Variants in HECW1 observed in about 807,000 individuals in gnomAD.
The protein encoded by HECW1 is HECT, C2 and WW domain containing E3 ubiquitin protein ligase 1.
Under a neutral mutation model 182.3 loss-of-function variants are expected in HECW1, and 61 were observed. The observed-to-expected ratio is 0.33, with a 90% CI of 0.27 to 0.41. The LOEUF (loss-of-function observed/expected upper bound fraction) is 0.41, where lower values mean the gene tolerates loss of function less well. Among genes scored for constraint, HECW1 ranks in the 10% least tolerant of loss-of-function variants. The pLI is 1.00. For missense variants in HECW1, 1,739 were observed against 2,108.9 expected (o/e 0.82, Z 3.44); for synonymous variants, 859 against 832.6 (o/e 1.03, Z -0.55).
chr7:43,482,084 T>C (rs1172624050), intron 17 of HECW1, among the ~76,000 whole-genome samples: 2 of 151,980 alleles, frequency 1.3e-5, no homozygotes, highest in Admixed American at 6.5e-5. Flanking sequence ...ACCCTGACTG[T>C]TCGTCACATT....
At chr7:43,204,080 T>C (rs914513296) in intron 2 of HECW1, among the ~76,000 whole-genome samples, 1 of 152,236 alleles carries the variant, frequency 6.6e-6, no homozygotes, top group Non-Finnish European at 1.5e-5. Context: ...TCAATAATTC[T>C]TGAGGTTCTT....
Position 43,561,837 on chromosome 7 carries a change from C to A in HECW1, c.4732C>A (p.Leu1578Met). The change falls in exon 30 of 30, where the codon CTG becomes ATG. Residue 1578 changes from leucine (L) to methionine (M), a missense_variant. Coordinates refer to ENST00000395891, the MANE Select transcript of HECW1 (RefSeq NM_015052.5). ...CAGGGCACACACATGCTTCAACCGACTGGATCTTCCACCGTATCCCTCGTA... is the reference window on the plus strand; with the variant it reads ...CAGGGCACACACATGCTTCAACCGAATGGATCTTCCACCGTATCCCTCGTA... ...LPRAHTCFNR[L>M]DLPPYPSYSM... The A allele has an allele frequency of 6.2e-7, 1 of 1,613,746 alleles. No individual in the cohort carries two copies.
chr7:43,273,830 A>G (rs1802732443), intron 3 of HECW1, among the ~76,000 whole-genome samples: 1 of 152,068 alleles, frequency 6.6e-6, no homozygotes, highest in South Asian at 2.1e-4. Context: ...TTCCCTTAAT[A>G]TATGACAGAA....
chr7:43,408,667 C>T (rs2152845869), intron 8 of HECW1, among the ~76,000 whole-genome samples: 1 of 152,118 alleles, frequency 6.6e-6, no homozygotes, highest in Non-Finnish European at 1.5e-5. Context: ...ACCTGGGTGA[C>T]AGAGCGAGAC....
intron 7 of HECW1, among the ~76,000 whole-genome samples, chr7:43,404,402 A>C (rs1398469669): frequency 6.6e-6 from 1 of 152,182 alleles, no homozygotes; most frequent in Non-Finnish European, 1.5e-5. Flanking sequence ...ATCAAAATCC[A>C]AGTGTTTTGA....
Position 43,442,580 on chromosome 7 carries a change from G to T in HECW1, c.996G>T (p.Val332=). 6.2e-7 allele frequency: 1 copy of T among 1,614,058 alleles called. No homozygotes were observed. Among genetic ancestry groups the T allele is most frequent in the South Asian group, 1.1e-5 (1 of 91,028 alleles). ...TLGRRLPTDH[V]SGQLQFRFEI... ...GCCGCAGGCTTCCAACAGATCATGTGAGTGGACAGCTGCAATTCCGATTTG... is the reference window on the plus strand; with the variant it reads ...GCCGCAGGCTTCCAACAGATCATGTTAGTGGACAGCTGCAATTCCGATTTG... Residue 332 remains valine, a synonymous_variant, in exon 10 of 30, where the codon GTG becomes GTT. Coordinates refer to ENST00000395891, the MANE Select transcript of HECW1 (RefSeq NM_015052.5).
In HECW1 at chr7:43,424,332, C is replaced by T. The variant is rs140364371; in HGVS notation, c.802-13671C>T. Among the ~76,000 whole-genome samples the T allele has an allele frequency of 8.5e-5, 13 of 152,244 alleles. No homozygotes were observed. The East Asian group carries it at 1.7e-3, about 20-fold the overall frequency. On this transcript the variant is annotated intron_variant, in intron 8 of 29. Coordinates refer to ENST00000395891, the MANE Select transcript of HECW1 (RefSeq NM_015052.5). ...TGGAAAAAAAGTTACTAAAAAAATA[C>T]GAACAGGCCAGGTGCAGTGGCTCAC...
intron 3 of HECW1, among the ~76,000 whole-genome samples, chr7:43,311,284 C>T (rs1009193678): frequency 6.6e-6 from 1 of 152,074 alleles, no homozygotes; most frequent in Non-Finnish European, 1.5e-5. Flanking sequence ...CCAGCAGGGA[C>T]CACTCCTAAT....
chr7:43,551,178 T>C lies in HECW1; in HGVS notation c.4395+587T>C, dbSNP rs546030977. ...CCAGAATGGAGAAGTGCACTGGCCA[T>C]GGTCTTGTCCACCACTGGTTTGATT... On this transcript the variant is annotated intron_variant, in intron 27 of 29. Transcript: ENST00000395891. Among the ~76,000 whole-genome samples the C allele has an allele frequency of 9.2e-5, 14 of 152,292 alleles. No homozygotes were observed. In the East Asian group the frequency reaches 2.7e-3, roughly 29 times the overall value.
chr7:43,373,615 T>A (rs991223841), intron 6 of HECW1, among the ~76,000 whole-genome samples: 4 of 152,330 alleles, frequency 2.6e-5, no homozygotes, highest in East Asian at 3.9e-4. Context: ...TGTTTTTTTT[T>A]AATTTTTAAT....
In HECW1 at chr7:43,379,788, C is replaced by T. The variant is rs114084437; in HGVS notation, c.556-17026C>T. Reference sequence around the variant, plus strand: ...TCCTGGGAGAGGCCTTACATCACCACCCTATCTAAACTATTCTCCACACAG... The same window carrying T: ...TCCTGGGAGAGGCCTTACATCACCATCCTATCTAAACTATTCTCCACACAG... On this transcript the variant is annotated intron_variant, in intron 6 of 29. Transcript: ENST00000395891. 4.1e-3 allele frequency among the ~76,000 whole-genome samples: 618 copies of T among 152,260 alleles called. 3 individuals are homozygous for T. Among genetic ancestry groups the T allele is most frequent in the African/African-American group, 0.014 (591 of 41,550 alleles).
chr7:43,232,869 T>C (rs1219044058), intron 2 of HECW1, among the ~76,000 whole-genome samples: 1 of 152,232 alleles, frequency 6.6e-6, no homozygotes, highest in East Asian at 1.9e-4. Context: ...CTTTAACCCA[T>C]GTGCCTTTGC....
rs147398465 is a variant in HECW1, at chr7:43,486,549, C to T, written c.3235-5526C>T. ...AACTCCTGACCTCATGATCCACCTGCCTCGGCCTCCCAAAGTGCTGGGATT... is the reference window on the plus strand; with the variant it reads ...AACTCCTGACCTCATGATCCACCTGTCTCGGCCTCCCAAAGTGCTGGGATT... On this transcript the variant is annotated intron_variant, in intron 17 of 29. Coordinates refer to ENST00000395891, the MANE Select transcript of HECW1 (RefSeq NM_015052.5). Among the ~76,000 whole-genome samples, 194 of 152,350 alleles carry T rather than the reference C, an allele frequency of 1.3e-3. 1 individual carries two copies. The East Asian group carries it at 0.032, about 25-fold the overall frequency.
intron 24 of HECW1, among the ~76,000 whole-genome samples, chr7:43,532,564 T>C (rs1477796802): frequency 1.3e-5 from 2 of 151,956 alleles, no homozygotes; most frequent in African/African-American, 4.8e-5. Context: ...CTCTCTGGAG[T>C]CCACCCCCAC....
intron 17 of HECW1, among the ~76,000 whole-genome samples, chr7:43,488,464 G>GAAAA (rs1448936691): frequency 6.8e-6 from 1 of 148,060 alleles, no homozygotes; most frequent in Non-Finnish European, 1.5e-5. Context: ...AAGAAAGAAA[G>GAAAA]AAAGAAAGAA....
At chr7:43,378,180 A>G (rs548570519) in intron 6 of HECW1, among the ~76,000 whole-genome samples, 1 of 152,346 alleles carries the variant, frequency 6.6e-6, no homozygotes, top group East Asian at 1.9e-4. Flanking sequence ...TTTGTAATCT[A>G]GTTATTCTAA....
At chr7:43,448,199 G>A (rs779451966) in intron 11 of HECW1, among the ~76,000 whole-genome samples, 6 of 152,080 alleles carry the variant, frequency 3.9e-5, no homozygotes, top group Non-Finnish European at 5.9e-5. Flanking sequence ...TGTTGTCCAC[G>A]TGCCCACATA....
intron 2 of HECW1, among the ~76,000 whole-genome samples, chr7:43,235,667 T>G (rs1798263396): frequency 6.6e-6 from 1 of 152,168 alleles, no homozygotes; most frequent in East Asian, 1.9e-4. Context: ...ATTTGTTAGT[T>G]TAATTTAATC....
At chr7:43,517,779 G>C (rs2080234880) in intron 24 of HECW1, among the ~76,000 whole-genome samples, 1 of 152,084 alleles carries the variant, frequency 6.6e-6, no homozygotes, top group African/African-American at 2.4e-5. Context: ...GAGCTTTGCT[G>C]ACCCCATCTC....
Sources: gnomAD v4.1 joint callset for allele counts (sites outside exome capture counted in the v4.1 genomes callset) on GRCh38, gnomAD v4.1.1 for gene constraint, MANE v1.5 for transcripts, NCBI Gene and HGNC (gene_info 2026-07-23, HGNC 2026-07-21) for gene names.